TBL1X: variants seen among roughly 807,000 people sequenced by gnomAD.
TBL1X encodes the protein F-box-like/WD repeat-containing protein TBL1X.
TBL1X carries 10 observed loss-of-function variants against 50.7 expected under a neutral mutation model. That is an observed-to-expected ratio of 0.20 (90% confidence interval 0.12 to 0.33). The LOEUF (loss-of-function observed/expected upper bound fraction) is 0.33. Ranked by LOEUF, TBL1X falls within the 10% of genes least tolerant of loss-of-function variation. The pLI, the probability that TBL1X is intolerant of heterozygous loss-of-function variation, is 1.00. For missense variants in TBL1X, 340 were observed against 504.4 expected (o/e 0.67, Z 3.12); for synonymous variants, 190 against 214.7 (o/e 0.88, Z 1.01).
Position 9,606,439 on chromosome X carries a change from G to C in TBL1X, c.-130-33834G>C, listed in dbSNP as rs149879129. ...CCATCAGAGCCCACAAATGGAGACT[G>C]TCAACAGCTTAGCAGTCAGTTCATT... On this transcript the variant is annotated intron_variant, in intron 2 of 17. Transcript: ENST00000645353. Among the ~76,000 whole-genome samples, 448 of 112,139 alleles carry C rather than the reference G, an allele frequency of 4.0e-3. 1 individual carries two copies. The highest frequency in any genetic ancestry group is 0.014 in the African/African-American group (428 of 30,875).
intron 2 of TBL1X, among the ~76,000 whole-genome samples, chrX:9,572,634 G>T (rs930784361): frequency 8.9e-6 from 1 of 112,670 alleles, no homozygotes; most frequent in African/African-American, 3.2e-5. Flanking sequence ...AGAAACTGCT[G>T]TTTACTTACC....
intron 2 of TBL1X, among the ~76,000 whole-genome samples, chrX:9,542,184 T>G (rs1437631311): frequency 9.0e-6 from 1 of 111,487 alleles, no homozygotes; most frequent in Non-Finnish European, 1.9e-5. Context: ...AATGACTTGA[T>G]AAGTGATAAA....
chrX:9,648,507 C>T (rs974336082), intron 3 of TBL1X, among the ~76,000 whole-genome samples: 18 of 112,011 alleles, frequency 1.6e-4, no homozygotes, highest in Non-Finnish European at 3.0e-4. Context: ...AGAGCAGGTC[C>T]TCCCCACATG....
chrX:9,593,458 T>C (rs2082512508), intron 2 of TBL1X, among the ~76,000 whole-genome samples: 1 of 110,609 alleles, frequency 9.0e-6, no homozygotes, highest in African/African-American at 3.3e-5. Flanking sequence ...GCCTCTGTAT[T>C]GAAGAACACC....
chrX:9,501,251 T>C (rs1052027907), intron 1 of TBL1X, among the ~76,000 whole-genome samples: 4 of 111,814 alleles, frequency 3.6e-5, no homozygotes, highest in African/African-American at 1.3e-4. Flanking sequence ...CATAGTGACA[T>C]CTGTCTTGAT....
At chrX:9,508,657 A>G (rs1447062929) in intron 2 of TBL1X, among the ~76,000 whole-genome samples, 1 of 112,070 alleles carries the variant, frequency 8.9e-6, no homozygotes, top group Non-Finnish European at 1.9e-5. Context: ...TTATAGCACT[A>G]TTTACAATAG....
Position 9,594,448 on chromosome X carries a change from T to C in TBL1X, c.-130-45825T>C, listed in dbSNP as rs897989765. Among the ~76,000 whole-genome samples the C allele has an allele frequency of 2.7e-5, 3 of 112,206 alleles. No homozygotes were observed. The Admixed American group carries it at 2.8e-4, about 11-fold the overall frequency. ...GATTGGTATGAATAGTACTTGGTCTTGGGAAGTTTTCTCCATGAAAATGTT... is the reference window on the plus strand; with the variant it reads ...GATTGGTATGAATAGTACTTGGTCTCGGGAAGTTTTCTCCATGAAAATGTT... On this transcript the variant is annotated intron_variant, in intron 2 of 17. Coordinates refer to ENST00000645353, the MANE Select transcript of TBL1X (RefSeq NM_005647.4).
At chrX:9,707,734 A>C (rs188671366) in intron 13 of TBL1X, among the ~76,000 whole-genome samples, 1 of 111,700 alleles carries the variant, frequency 9.0e-6, no homozygotes, top group Non-Finnish European at 1.9e-5. Flanking sequence ...ACACATTCAC[A>C]CTCATAGACA....
At chrX:9,655,192 C>A (rs770872712) in intron 5 of TBL1X, among the ~76,000 whole-genome samples, 12 of 110,849 alleles carry the variant, frequency 1.1e-4, no homozygotes, top group Non-Finnish European at 2.3e-4. Flanking sequence ...AATGACGTAC[C>A]GCAAACTGGG....
At chrX:9,706,664 C>T (rs769961256) in intron 13 of TBL1X, among the ~76,000 whole-genome samples, 3 of 111,461 alleles carry the variant, frequency 2.7e-5, no homozygotes, top group Non-Finnish European at 3.8e-5. Context: ...GGTCTTTCAC[C>T]AAATCTCCCT....
intron 2 of TBL1X, among the ~76,000 whole-genome samples, chrX:9,528,422 G>A (rs1156231732): frequency 1.8e-5 from 2 of 110,635 alleles, no homozygotes; most frequent in Non-Finnish European, 3.8e-5. Context: ...GAGTTCTCCC[G>A]AGGCCCTGAA....
At chrX:9,587,929 G>C (rs1210193655) in intron 2 of TBL1X, among the ~76,000 whole-genome samples, 1 of 109,633 alleles carries the variant, frequency 9.1e-6, no homozygotes, top group Non-Finnish European at 1.9e-5. Context: ...TTCACTCTGC[G>C]TGTGTTCCTG....
intron 5 of TBL1X, among the ~76,000 whole-genome samples, chrX:9,681,190 G>A (rs1217027177): frequency 1.8e-5 from 2 of 112,200 alleles, no homozygotes; most frequent in Non-Finnish European, 3.8e-5. Flanking sequence ...AGTTGCCTGA[G>A]CTGCACCCAC....
At chrX:9,537,206 A>G (rs2082192490) in intron 2 of TBL1X, among the ~76,000 whole-genome samples, 1 of 111,539 alleles carries the variant, frequency 9.0e-6, no homozygotes, top group Non-Finnish European at 1.9e-5. Flanking sequence ...TGAGTGATCT[A>G]CGTGCATTAG....
At position 9,593,355 on chromosome X, in the gene TBL1X, T is replaced by A. The variant is rs1046385555; in HGVS notation, c.-130-46918T>A. On this transcript the variant is annotated intron_variant, in intron 2 of 17. Coordinates refer to ENST00000645353, the MANE Select transcript of TBL1X (RefSeq NM_005647.4). ...AGGCAGAGGTTGCAGTGAGCTGATA[T>A]CGCACCACTGCACTCCAGCCTGTGC... 8.2e-5 allele frequency among the ~76,000 whole-genome samples: 9 copies of A among 110,070 alleles called. No homozygotes were observed. The Admixed American group carries it at 8.7e-4, about 11-fold the overall frequency.
chrX:9,697,519 C>G, intron 12 of TBL1X, 90 bp downstream of exon 12: 2 of 1,150,231 alleles, frequency 1.7e-6, no homozygotes. Flanking sequence ...CGCCTGTAAT[C>G]CCAGCACTTT....
chrX:9,519,451 G>A (rs937350799), intron 2 of TBL1X, among the ~76,000 whole-genome samples: 2 of 111,400 alleles, frequency 1.8e-5, no homozygotes, highest in African/African-American at 3.3e-5. Context: ...TTTCAGTTAC[G>A]TTGTGGGCTT....
intron 2 of TBL1X, among the ~76,000 whole-genome samples, chrX:9,555,697 C>G (rs962072021): frequency 1.8e-5 from 2 of 111,856 alleles, no homozygotes; most frequent in Non-Finnish European, 3.8e-5. Context: ...TATATCCTCG[C>G]CAACACTTGT....
chrX:9,704,721 CAAAA>C (rs35199289), intron 12 of TBL1X, among the ~76,000 whole-genome samples: 2 of 96,293 alleles, frequency 2.1e-5, no homozygotes, highest in Admixed American at 1.1e-4. Context: ...CTCGTCTCTG[CAAAA>C]AAAAAAAAAA....
Sources: gnomAD v4.1 joint callset for allele counts (sites outside exome capture counted in the v4.1 genomes callset) on GRCh38, gnomAD v4.1.1 for gene constraint, MANE v1.5 for transcripts, NCBI Gene and HGNC (gene_info 2026-07-23, HGNC 2026-07-21) for gene names.